The following CEP128 variants were observed in gnomAD, a reference collection of about 807,000 sequenced individuals.
CEP128 encodes centrosomal protein 128kDa.
A neutral mutation model predicts 156.7 loss-of-function variants in CEP128; 132 were observed. The ratio of observed to expected loss-of-function variants is 0.84; its 90% CI spans 0.73 to 0.97. The LOEUF (loss-of-function observed/expected upper bound fraction) is 0.97, where lower values mean the gene tolerates loss of function less well. Among genes scored for constraint, CEP128 ranks in the 50% least tolerant of loss-of-function variants. CEP128 has a pLI of 0.00. For synonymous variants in CEP128, 469 were observed against 448.9 expected, an observed-to-expected ratio of 1.04 and a Z score of -0.57; for missense variants, 1,252 against 1,281.9, an observed-to-expected ratio of 0.98 and a Z score of 0.36.
chr14:80,739,638 C>T (rs1566887459), intron 19 of CEP128, among the ~76,000 whole-genome samples: 1 of 151,106 alleles, frequency 6.6e-6, no homozygotes, highest in African/African-American at 2.4e-5. Flanking sequence ...TTTTAATATT[C>T]TTTTTTTTTG....
intron 13 of CEP128, among the ~76,000 whole-genome samples, chr14:80,803,882 T>C (rs1884018819): frequency 6.6e-6 from 1 of 152,150 alleles, no homozygotes; most frequent in Admixed American, 6.5e-5. Flanking sequence ...AGAAAACCTC[T>C]TCTAAATTTT....
chr14:80,558,969 G>A (rs1187183509), intron 21 of CEP128, among the ~76,000 whole-genome samples: 1 of 152,164 alleles, frequency 6.6e-6, no homozygotes, highest in Non-Finnish European at 1.5e-5. Flanking sequence ...CTTAGTGATT[G>A]TGAAATACAG....
chr14:80,505,831 T>C (rs1027294951), intron 23 of CEP128, among the ~76,000 whole-genome samples: 2 of 152,248 alleles, frequency 1.3e-5, no homozygotes, highest in South Asian at 2.1e-4. Context: ...GTGGTTTTTT[T>C]CCTTCTTTCA....
chr14:80,651,748 G>C (rs1042875044), intron 19 of CEP128, among the ~76,000 whole-genome samples: 1 of 152,054 alleles, frequency 6.6e-6, no homozygotes, highest in Admixed American at 6.6e-5. Flanking sequence ...TCTTAATCCT[G>C]AGTTCTAATT....
intron 8 of CEP128, among the ~76,000 whole-genome samples, chr14:80,891,433 T>G (rs1354082576): frequency 2.6e-5 from 4 of 152,078 alleles, no homozygotes; most frequent in Non-Finnish European, 4.4e-5. Flanking sequence ...GCCATTATGT[T>G]AAGTGAAATA....
intron 13 of CEP128, among the ~76,000 whole-genome samples, chr14:80,797,281 CTT>C (rs1362676295): frequency 2.0e-5 from 3 of 152,120 alleles, no homozygotes; most frequent in Non-Finnish European, 2.9e-5. Context: ...ACTGCGGACT[CTT>C]ATATTAACAT....
At chr14:80,879,366 A>C (rs1245424193) in intron 8 of CEP128, among the ~76,000 whole-genome samples, 1 of 152,224 alleles carries the variant, frequency 6.6e-6, no homozygotes, top group Non-Finnish European at 1.5e-5. Context: ...AAATTTATAA[A>C]TTGCCCCAAA....
chr14:80,507,902 A>C (rs1888054392), intron 23 of CEP128, among the ~76,000 whole-genome samples: 1 of 152,174 alleles, frequency 6.6e-6, no homozygotes, highest in Non-Finnish European at 1.5e-5. Flanking sequence ...TTTAGGGAAA[A>C]ATAATAATTT....
chr14:80,488,566 G>A (rs533278512), downstream of CEP128, among the ~76,000 whole-genome samples: 1 of 152,070 alleles, frequency 6.6e-6, no homozygotes, highest in South Asian at 2.1e-4. Flanking sequence ...CATTGTGGAA[G>A]TCAGTGTGGT....
At chr14:80,512,801 T>G (rs1272692833) in intron 23 of CEP128, among the ~76,000 whole-genome samples, 1 of 152,012 alleles carries the variant, frequency 6.6e-6, no homozygotes, top group Non-Finnish European at 1.5e-5. Flanking sequence ...TATTTTAAAC[T>G]AATGATAACA....
intron 16 of CEP128, among the ~76,000 whole-genome samples, chr14:80,765,110 AAGATCGAGTGTGG>A (rs1162216601): frequency 6.6e-6 from 1 of 152,210 alleles, no homozygotes; most frequent in Non-Finnish European, 1.5e-5. Context: ...CCTTCTGGCT[AAGATCGAGTGTGG>A]AGATAGAGTA....
At chr14:80,879,277 A>AC (rs1391220537) in intron 8 of CEP128, among the ~76,000 whole-genome samples, 1 of 152,168 alleles carries the variant, frequency 6.6e-6, no homozygotes, top group African/African-American at 2.4e-5. Flanking sequence ...AGGGACACAC[A>AC]AAAAAATGAT....
intron 20 of CEP128, among the ~76,000 whole-genome samples, chr14:80,575,531 A>G (rs1012896614): frequency 6.6e-6 from 1 of 152,188 alleles, no homozygotes; most frequent in African/African-American, 2.4e-5. Context: ...AGAAAGGGCA[A>G]GGGTAGAAGG....
In CEP128 at chr14:80,617,217, A is replaced by ACCTT. The variant is rs1491470595; in HGVS notation, c.2807-36795_2807-36794insAAGG. 8.3e-3 allele frequency among the ~76,000 whole-genome samples: 356 copies of ACCTT among 43,068 alleles called. 44 individuals are homozygous for ACCTT. The highest frequency in any genetic ancestry group is 0.017 in the Middle Eastern group (1 of 58). 28.3% of individuals were successfully genotyped at this position (43,068 alleles called of 152,430 possible). On this transcript the variant is annotated intron_variant, in intron 19 of 24. Coordinates refer to ENST00000555265, the MANE Select transcript of CEP128 (RefSeq NM_152446.5). Reference sequence around the variant, plus strand: ...AAATCACTTAACCTATGTGAATATCATCTTTTTTTTTTTTTTTTTTTTTTT... The same window carrying ACCTT: ...AAATCACTTAACCTATGTGAATATCACCTTTCTTTTTTTTTTTTTTTTTTTTTTT...
intron 7 of CEP128, among the ~76,000 whole-genome samples, chr14:80,898,730 T>C (rs1566702085): frequency 6.6e-6 from 1 of 151,288 alleles, no homozygotes; most frequent in Non-Finnish European, 1.5e-5. Context: ...TATCAGCTTG[T>C]AAAAAAAAAT....
At chr14:80,714,457 G>A (rs1007195715) in intron 19 of CEP128, among the ~76,000 whole-genome samples, 3 of 152,062 alleles carry the variant, frequency 2.0e-5, no homozygotes, top group Non-Finnish European at 4.4e-5. Context: ...GCAGAAAGGT[G>A]TGTTTTTGTG....
intron 20 of CEP128, among the ~76,000 whole-genome samples, chr14:80,579,088 CT>C (rs1891479724): frequency 1.3e-5 from 2 of 152,162 alleles, no homozygotes; most frequent in Non-Finnish European, 2.9e-5. Flanking sequence ...GAAAAAACTA[CT>C]TGTGCTGCCA....
At chr14:80,562,917 G>A (rs145556324) in intron 20 of CEP128, among the ~76,000 whole-genome samples, 114 of 151,662 alleles carry the variant, frequency 7.5e-4, no homozygotes, top group Non-Finnish European at 1.4e-3. Context: ...TCCTGCCTCG[G>A]CCTCCCCAAA....
intron 8 of CEP128, among the ~76,000 whole-genome samples, chr14:80,881,884 A>G (rs1888568815): frequency 6.6e-6 from 1 of 152,206 alleles, no homozygotes; most frequent in South Asian, 2.1e-4. Flanking sequence ...AAAGCCATAT[A>G]CAACAGACTC....
Sources: gnomAD v4.1 joint callset for allele counts (sites outside exome capture counted in the v4.1 genomes callset) on GRCh38, gnomAD v4.1.1 for gene constraint, MANE v1.5 for transcripts, NCBI Gene and HGNC (gene_info 2026-07-23, HGNC 2026-07-21) for gene names.